The following ALCAM variants were observed in gnomAD, a reference collection of about 807,000 sequenced individuals.
ALCAM encodes the protein activated leukocyte cell adhesion molecule.
A neutral mutation model predicts 70.9 loss-of-function variants in ALCAM; 30 were observed. That is an observed-to-expected ratio of 0.42 (90% confidence interval 0.32 to 0.57). The LOEUF (loss-of-function observed/expected upper bound fraction) is 0.57. ALCAM is among the 20% of genes least tolerant of loss of function. The pLI is 0.11. For synonymous variants in ALCAM, 249 were observed against 242.5 expected (o/e 1.03, Z -0.25); for missense variants, 591 against 695.1 (o/e 0.85, Z 1.68).
intron 1 of ALCAM, among the ~76,000 whole-genome samples, chr3:105,396,011 T>C (rs934461760): frequency 1.3e-5 from 2 of 151,944 alleles, no homozygotes; most frequent in Non-Finnish European, 2.9e-5. Context: ...TCAACTAACA[T>C]TGGAGGAGGG....
At chr3:105,390,352 T>G (rs6797358) in intron 1 of ALCAM, among the ~76,000 whole-genome samples, 146,621 of 152,198 alleles carry the variant, frequency 0.96, 70,842 homozygotes, top group East Asian at 1. Context: ...GATTAGTGAC[T>G]TTGAGCTTTG....
intron 1 of ALCAM, among the ~76,000 whole-genome samples, chr3:105,454,653 ATTTTTTTTTTTTTTTT>A (rs59389132): frequency 3.2e-5 from 2 of 61,754 alleles, no homozygotes; most frequent in Admixed American, 2.9e-4. Flanking sequence ...ATGCTCATTA[ATTTTTTTTTTTTTTTT>A]TTTTTTTTTT....
At chr3:105,415,771 T>G (rs1405111204) in intron 1 of ALCAM, among the ~76,000 whole-genome samples, 1 of 152,106 alleles carries the variant, frequency 6.6e-6, no homozygotes, top group Non-Finnish European at 1.5e-5. Context: ...GTGGCTTGCT[T>G]TGATGCAACC....
intron 1 of ALCAM, among the ~76,000 whole-genome samples, chr3:105,470,443 G>A (rs1213108865): frequency 6.6e-6 from 1 of 151,100 alleles, no homozygotes; most frequent in Non-Finnish European, 1.5e-5. Context: ...AATAGGATAA[G>A]AAACCATGTT....
chr3:105,469,778 T>A (rs1165962093), intron 1 of ALCAM, among the ~76,000 whole-genome samples: 1 of 151,000 alleles, frequency 6.6e-6, no homozygotes, highest in Non-Finnish European at 1.5e-5. Flanking sequence ...CCTTTTAATA[T>A]CCCTCAAATT....
intron 1 of ALCAM, among the ~76,000 whole-genome samples, chr3:105,462,419 TAAAG>T (rs1335920504): frequency 1.3e-5 from 2 of 151,552 alleles, no homozygotes; most frequent in Non-Finnish European, 3.0e-5. Flanking sequence ...TTTCATTGTA[TAAAG>T]AAATAATATA....
intron 1 of ALCAM, among the ~76,000 whole-genome samples, chr3:105,391,955 G>A (rs1381442486): frequency 6.6e-6 from 1 of 151,972 alleles, no homozygotes; most frequent in East Asian, 1.9e-4. Flanking sequence ...GCTTTTTGAT[G>A]TGCTGCTGGA....
intron 1 of ALCAM, among the ~76,000 whole-genome samples, chr3:105,496,163 T>C (rs1379547545): frequency 6.6e-6 from 1 of 152,174 alleles, no homozygotes; most frequent in Non-Finnish European, 1.5e-5. Context: ...CAATACATTG[T>C]AGTTTCCTAT....
intron 2 of ALCAM, 89 bp downstream of exon 2, chr3:105,520,256 C>A: frequency 3.2e-6 from 3 of 931,702 alleles, no homozygotes; most frequent in Admixed American, 1.9e-5. Context: ...TTCAAATTAA[C>A]CTAAATGCAA....
At chr3:105,394,292 T>G (rs1191367053) in intron 1 of ALCAM, among the ~76,000 whole-genome samples, 12 of 151,970 alleles carry the variant, frequency 7.9e-5, no homozygotes, top group Admixed American at 7.9e-4. Context: ...TGTATGTCTG[T>G]GTCTGAGAAG....
intron 4 of ALCAM, 70 bp from the exon 5 acceptor site, chr3:105,533,532 AG>A: frequency 7.5e-7 from 1 of 1,340,078 alleles, no homozygotes; most frequent in East Asian, 2.3e-5. Flanking sequence ...GCATTGCCTG[AG>A]TTTCTGGAGT....
intron 1 of ALCAM, among the ~76,000 whole-genome samples, chr3:105,504,256 G>A (rs1279022518): frequency 2.0e-5 from 3 of 152,146 alleles, no homozygotes; most frequent in Non-Finnish European, 2.9e-5. Flanking sequence ...CGACCCTATC[G>A]CAGTGTCTTG....
At chr3:105,389,960 C>A (rs1361594412) in intron 1 of ALCAM, among the ~76,000 whole-genome samples, 1 of 151,862 alleles carries the variant, frequency 6.6e-6, no homozygotes, top group Non-Finnish European at 1.5e-5. Flanking sequence ...TATGTATGTA[C>A]CACATTTTCT....
chr3:105,389,071 G>C (rs1935730768), intron 1 of ALCAM, among the ~76,000 whole-genome samples: 1 of 151,544 alleles, frequency 6.6e-6, no homozygotes, highest in Non-Finnish European at 1.5e-5. Flanking sequence ...GATGAGCAAA[G>C]TGAATGGCAA....
intron 1 of ALCAM, among the ~76,000 whole-genome samples, chr3:105,425,884 G>A (rs1936778672): frequency 6.6e-6 from 1 of 151,564 alleles, no homozygotes; most frequent in African/African-American, 2.4e-5. Context: ...AACTGGCTAT[G>A]TGGTTGGTGA....
At position 105,571,913 on chromosome 3, in the gene ALCAM, G is replaced by C; in HGVS notation, c.1726G>C (p.Glu576Gln). Residue 576 changes from glutamate to glutamine, a missense_variant, in exon 15 of 16, where the codon GAA (glutamate) becomes CAA (glutamine). This residue lies in a region of ALCAM where 164 missense variants were observed against 244.7 expected (regional missense o/e 0.67). Coordinates refer to ENST00000306107, the MANE Select transcript of ALCAM (RefSeq NM_001627.4). ...GNMEENKKLEENNHKTEA is the reference protein window; with the variant it reads ...GNMEENKKLEQNNHKTEA ...TATGGAAGAAAACAAAAAGTTAGAA[G>C]AAAACAATCACAAAACTGAAGCCTA... 6.2e-7 allele frequency: 1 copy of C among 1,613,232 alleles called. No homozygotes were observed. The highest frequency in any genetic ancestry group is 8.5e-7 in the Non-Finnish European group (1 of 1,179,464).
chr3:105,385,921 G>A (rs1484917009), intron 1 of ALCAM, among the ~76,000 whole-genome samples: 1 of 151,588 alleles, frequency 6.6e-6, no homozygotes, highest in Non-Finnish European at 1.5e-5. Context: ...TCTGTGGTGG[G>A]TGCTGAAGAC....
At chr3:105,504,524 C>A (rs1200547445) in intron 1 of ALCAM, among the ~76,000 whole-genome samples, 1 of 151,582 alleles carries the variant, frequency 6.6e-6, no homozygotes, top group Non-Finnish European at 1.5e-5. Context: ...AGCGGCCTAG[C>A]CTCTCCTTCA....
chr3:105,442,995 A>G (rs1937210569), intron 1 of ALCAM, among the ~76,000 whole-genome samples: 2 of 151,948 alleles, frequency 1.3e-5, no homozygotes. Context: ...GGCTAATTTA[A>G]TTTTTTGTGT....
Sources: allele counts gnomAD v4.1 joint callset (sites outside exome capture counted in the v4.1 genomes callset), GRCh38; gene constraint gnomAD v4.1.1; regional missense constraint gnomAD v4.1.1; transcripts MANE v1.5; gene names NCBI Gene and HGNC (gene_info 2026-07-23, HGNC 2026-07-21).